The following PCDHGB1 variants were observed in gnomAD, a reference collection of about 807,000 sequenced individuals.
PCDHGB1 encodes the protein protocadherin gamma-B1.
In PCDHGB1, 34 loss-of-function variants were observed where a neutral mutation model predicts 56.6. That is an observed-to-expected ratio of 0.60 (90% CI 0.46 to 0.80). The LOEUF (loss-of-function observed/expected upper bound fraction) is 0.80, where lower values mean the gene tolerates loss of function less well. Among genes scored for constraint, PCDHGB1 ranks in the 30% least tolerant of loss-of-function variants. PCDHGB1 has a pLI of 0.00. For synonymous variants in PCDHGB1, 561 were observed against 505.9 expected (o/e 1.11, Z -1.46); for missense variants, 1,278 against 1,204.6 (o/e 1.06, Z -0.90).
At chr5:141,499,289 C>T in intron 2 of PCDHGB1, among the ~76,000 whole-genome samples, 1 of 152,212 alleles carries the variant, frequency 6.6e-6, no homozygotes, top group African/African-American at 2.4e-5. Context: ...GATGGCTCCA[C>T]ACTACCATCC....
intron 1 of PCDHGB1, among the ~76,000 whole-genome samples, chr5:141,473,366 A>T (rs1292258135): frequency 1.3e-5 from 2 of 152,202 alleles, no homozygotes; most frequent in Non-Finnish European, 2.9e-5. Context: ...GGCCACCAAA[A>T]TAGCATGGTC....
chr5:141,453,201 C>T (rs115660512), intron 1 of PCDHGB1, among the ~76,000 whole-genome samples: 2,052 of 152,204 alleles, frequency 0.013, 46 homozygotes, highest in African/African-American at 0.048. Flanking sequence ...GCAGCCTCAA[C>T]CTCGTGCACT....
rs953428261 is a variant in PCDHGB1, at chr5:141,430,262, T to C, written c.2410-64545T>C. On this transcript the variant is annotated intron_variant, in intron 1 of 3. Coordinates refer to ENST00000523390, the MANE Select transcript of PCDHGB1 (RefSeq NM_018922.3). ...AACTCCTAGGGAGACATCTCCATAA[T>C]AGGTGTGTTGGGGGAACAGTAATCT... Among the ~76,000 whole-genome samples the C allele has an allele frequency of 2.6e-5, 4 of 151,892 alleles. No homozygotes were observed. The East Asian group carries it at 5.8e-4, about 22-fold the overall frequency.
At chr5:141,362,011 G>A (rs1294882056) in intron 1 of PCDHGB1, 7 of 1,606,172 alleles carry the variant, frequency 4.4e-6, no homozygotes, top group African/African-American at 1.3e-5. Context: ...CACGGGTGAG[G>A]TGCGCACAGC....
At chr5:141,464,682 T>C (rs1442997972) in intron 1 of PCDHGB1, among the ~76,000 whole-genome samples, 1 of 152,132 alleles carries the variant, frequency 6.6e-6, no homozygotes, top group Non-Finnish European at 1.5e-5. Flanking sequence ...TTAATTAAAA[T>C]TTCTCTTATT....
chr5:141,389,779 A>T (rs779598795), intron 1 of PCDHGB1: 1 of 1,613,298 alleles, frequency 6.2e-7, no homozygotes, highest in South Asian at 1.1e-5. Flanking sequence ...GCCTTAGGCG[A>T]CAGGGACGCC....
At chr5:141,372,049 T>TG in intron 1 of PCDHGB1, 1 of 1,613,484 alleles carries the variant, frequency 6.2e-7, no homozygotes, top group Non-Finnish European at 8.5e-7. Context: ...CGCGTGTTGG[T>TG]GGACGACCGC....
intron 1 of PCDHGB1, chr5:141,364,631 C>T: frequency 6.2e-7 from 1 of 1,614,122 alleles, no homozygotes; most frequent in African/African-American, 1.3e-5. Flanking sequence ...TCAGAGCCCA[C>T]TGTGTGTGGT....
chr5:141,446,623 TGC>T (rs1310809206), intron 1 of PCDHGB1, among the ~76,000 whole-genome samples: 1 of 152,014 alleles, frequency 6.6e-6, no homozygotes, highest in African/African-American at 2.4e-5. Flanking sequence ...ACTACAGGCG[TGC>T]ACCACCACGC....
At chr5:141,355,688 G>A in intron 1 of PCDHGB1, 1 of 1,613,990 alleles carries the variant, frequency 6.2e-7, no homozygotes, top group Non-Finnish European at 8.5e-7. Flanking sequence ...CCGGATGTAG[G>A]TGTAAACTCC....
intron 1 of PCDHGB1, chr5:141,357,048 A>C: frequency 6.2e-7 from 1 of 1,614,008 alleles, no homozygotes; most frequent in Non-Finnish European, 8.5e-7. Context: ...AGCCGGGACT[A>C]TTTGCAGTGG....
Position 141,350,546 on chromosome 5 carries a change from A to G in PCDHGB1, c.286A>G (p.Lys96Glu). 2 of 1,614,024 alleles carry G rather than the reference A, an allele frequency of 1.2e-6. No individual in the cohort carries two copies. Among genetic ancestry groups the G allele is most frequent in the Non-Finnish European group, 1.7e-6 (2 of 1,179,884 alleles). ...RIDREKICGR[K>E]LECALEFETV... ...AGATCGAGAGAAGATTTGCGGAAGGAAACTTGAGTGTGCACTAGAATTCGA... is the reference window on the plus strand; with the variant it reads ...AGATCGAGAGAAGATTTGCGGAAGGGAACTTGAGTGTGCACTAGAATTCGA... The change falls in exon 1 of 4, where the codon AAA becomes GAA. Residue 96 changes from lysine to glutamate, a missense_variant. Coordinates refer to ENST00000523390, the MANE Select transcript of PCDHGB1 (RefSeq NM_018922.3).
chr5:141,490,042 G>A lies in PCDHGB1; in HGVS notation c.2410-4765G>A. On this transcript the variant is annotated intron_variant, in intron 1 of 3. Transcript: ENST00000523390. This position sits in a 1 kb window ranked among gnomAD's most constrained non-coding sequence, Gnocchi z 5.4. ...TCTGCTGCTCCGCCTCAATGCCACT[G>A]ATCCAGACGAGGGCACCAACGGCCA... The A allele has an allele frequency of 6.2e-7, 1 of 1,614,266 alleles. No homozygotes were observed. Among genetic ancestry groups the A allele is most frequent in the Non-Finnish European group, 8.5e-7 (1 of 1,180,038 alleles).
At chr5:141,424,936 C>G (rs1160449329) in intron 1 of PCDHGB1, among the ~76,000 whole-genome samples, 1 of 152,182 alleles carries the variant, frequency 6.6e-6, no homozygotes, top group Non-Finnish European at 1.5e-5. Flanking sequence ...AGTCAACACT[C>G]TCACATCACT....
At chr5:141,405,004 G>A in intron 1 of PCDHGB1, 1 of 1,613,960 alleles carries the variant, frequency 6.2e-7, no homozygotes, top group South Asian at 1.1e-5. Flanking sequence ...CTGCAGACCT[G>A]GAGGCCTCAG....
chr5:141,414,855 C>T (rs2095795912), intron 1 of PCDHGB1: 3 of 1,614,236 alleles, frequency 1.9e-6, no homozygotes, highest in Non-Finnish European at 2.5e-6. Flanking sequence ...TGGACCAGAA[C>T]GACAATGCGC....
chr5:141,476,716 C>T lies in PCDHGB1; in HGVS notation c.2410-18091C>T. On this transcript the variant is annotated intron_variant, in intron 1 of 3. Transcript: ENST00000523390. This position sits in a 1 kb window ranked among gnomAD's most constrained non-coding sequence, Gnocchi z 7.6. ...AGTACGCGGAGCTGGTGTTGGAGCG[C>T]GCCCTGGACCGAGAACGGGAGCCTA... 15 of 1,614,148 alleles carry T rather than the reference C, an allele frequency of 9.3e-6. No homozygotes were observed. The highest frequency in any genetic ancestry group is 1.3e-5 in the Non-Finnish European group (15 of 1,180,036).
chr5:141,432,096 A>G lies in PCDHGB1; in HGVS notation c.2410-62711A>G, dbSNP rs763154183. On this transcript the variant is annotated intron_variant, in intron 1 of 3. Transcript: ENST00000523390. This position sits in a 1 kb window ranked among gnomAD's most constrained non-coding sequence, Gnocchi z 6.0. Reference sequence around the variant, plus strand: ...ATCTCGCTGAACGTGGCAGACACCAACGACAACCCGCCGGTCTTCCCTCAG... The same window carrying G: ...ATCTCGCTGAACGTGGCAGACACCAGCGACAACCCGCCGGTCTTCCCTCAG... The G allele has an allele frequency of 1.9e-6, 3 of 1,613,944 alleles. No homozygotes were observed. Among genetic ancestry groups the G allele is most frequent in the East Asian group, 2.2e-5 (1 of 44,870 alleles).
At chr5:141,488,268 C>T (rs1371050827) in intron 1 of PCDHGB1, among the ~76,000 whole-genome samples, 1 of 152,170 alleles carries the variant, frequency 6.6e-6, no homozygotes, top group East Asian at 1.9e-4. Context: ...GCGGGTTGGT[C>T]ATCACCTTTG....
Sources: gnomAD v4.1 joint callset for allele counts (sites outside exome capture counted in the v4.1 genomes callset) on GRCh38, gnomAD v4.1.1 for gene constraint, Gnocchi (gnomAD v3.1) non-coding constraint, MANE v1.5 for transcripts, NCBI Gene and HGNC (gene_info 2026-07-23, HGNC 2026-07-21) for gene names.